The following GABRB1 variants were observed in gnomAD, a reference collection of about 807,000 sequenced individuals.
The protein encoded by GABRB1 is gamma-aminobutyric acid receptor subunit beta-1.
GABRB1 carries 17 observed loss-of-function variants against 51.6 expected under a neutral mutation model. That is an observed-to-expected ratio of 0.33 (90% confidence interval 0.23 to 0.49). The LOEUF (loss-of-function observed/expected upper bound fraction) is 0.49, where lower values mean the gene tolerates loss of function less well. Ranked by LOEUF, GABRB1 falls within the 20% of genes least tolerant of loss-of-function variation. The pLI, the probability that GABRB1 is intolerant of heterozygous loss-of-function variation, is 0.99. For synonymous variants in GABRB1, 247 were observed against 218.9 expected (o/e 1.13, Z -1.14); for missense variants, 410 against 600.6 (o/e 0.68, Z 3.32).
chr4:47,224,300 AAT>A (rs140734951), intron 4 of GABRB1, among the ~76,000 whole-genome samples: 3 of 150,190 alleles, frequency 2.0e-5, no homozygotes. Context: ...TGCTTATTAA[AAT>A]ATATATATAT....
intron 2 of GABRB1, 134 bp downstream of exon 2, chr4:47,032,139 C>CACACAA: frequency 1.5e-6 from 1 of 662,066 alleles, no homozygotes; most frequent in Non-Finnish European, 2.6e-6. Flanking sequence ...CACACACACA[C>CACACAA]ACACACACAC....
chr4:47,408,360 AG>A (rs1255747776), intron 8 of GABRB1, among the ~76,000 whole-genome samples: 2 of 152,350 alleles, frequency 1.3e-5, no homozygotes, highest in Non-Finnish European at 2.9e-5. Context: ...GGAAGAAAGC[AG>A]AGTAGTGTGA....
At chr4:47,272,064 T>C (rs933950156) in intron 4 of GABRB1, among the ~76,000 whole-genome samples, 5 of 152,186 alleles carry the variant, frequency 3.3e-5, no homozygotes, top group Admixed American at 6.6e-5. Flanking sequence ...ACACACATAA[T>C]TAACTACCCG....
At position 47,403,571 on chromosome 4, in the gene GABRB1, G is replaced by C; in HGVS notation, c.695G>C (p.Arg232Pro). The change falls in exon 7 of 9, where the codon CGA (arginine) becomes CCA (proline). Residue 232 changes from arginine to proline, a missense_variant. Physicochemically the swap from Arg to Pro is moderately radical, Grantham distance 103. Coordinates refer to ENST00000295454, the MANE Select transcript of GABRB1 (RefSeq NM_000812.4). The stretch of plus-strand genomic sequence containing the variant: ...TTTCTCAACTCAGGAGCGTATCCAC[G>C]ACTGTCACTAAGTTTTCGTCTAAAG... ...KVEFTTGAYP[R>P]LSLSFRLKRN... 6.2e-7 allele frequency: 1 copy of C among 1,613,898 alleles called. No individual in the cohort carries two copies. Among genetic ancestry groups the C allele is most frequent in the Non-Finnish European group, 8.5e-7 (1 of 1,179,894 alleles).
At chr4:47,361,938 G>C (rs944885337) in intron 5 of GABRB1, among the ~76,000 whole-genome samples, 1 of 152,096 alleles carries the variant, frequency 6.6e-6, no homozygotes, top group African/African-American at 2.4e-5. Flanking sequence ...TGTACATTTG[G>C]AAGTTATCAA....
chr4:47,062,626 A>C (rs2109530152), intron 3 of GABRB1, among the ~76,000 whole-genome samples: 1 of 152,272 alleles, frequency 6.6e-6, no homozygotes, highest in East Asian at 1.9e-4. Flanking sequence ...CAATACATTC[A>C]AAAGATTTTT....
chr4:47,194,485 GA>G lies in GABRB1; in HGVS notation c.461+33024del, dbSNP rs925735384. On this transcript the variant is annotated intron_variant, in intron 4 of 8. Transcript: ENST00000295454. ...GGTTATATTATCTTTTCTCATTCCAGAAAAAAAAGTTATTAAATTTTTAGTC... is the reference window on the plus strand; with the variant it reads ...GGTTATATTATCTTTTCTCATTCCAGAAAAAAAGTTATTAAATTTTTAGTC... Among the ~76,000 whole-genome samples, 248 of 151,810 alleles carry G rather than the reference GA, an allele frequency of 1.6e-3. 1 individual carries two copies. Among genetic ancestry groups the G allele is most frequent in the African/African-American group, 5.7e-3 (236 of 41,420 alleles).
At chr4:47,250,856 T>A (rs1055517225) in intron 4 of GABRB1, among the ~76,000 whole-genome samples, 2 of 152,206 alleles carry the variant, frequency 1.3e-5, no homozygotes, top group African/African-American at 2.4e-5. Context: ...ACTTCTTGTA[T>A]CATTTTGTGT....
intron 3 of GABRB1, among the ~76,000 whole-genome samples, chr4:47,064,041 G>T (rs1454492764): frequency 1.3e-5 from 2 of 152,072 alleles, no homozygotes; most frequent in Non-Finnish European, 1.5e-5. Flanking sequence ...ATGTATCCCA[G>T]AACTTAAAAC....
At chr4:47,023,763 A>G (rs564433158) in intron 1 of GABRB1, among the ~76,000 whole-genome samples, 35 of 152,082 alleles carry the variant, frequency 2.3e-4, no homozygotes, top group Non-Finnish European at 4.3e-4. Context: ...CATATCAAAC[A>G]TCTCATGTAC....
At chr4:47,004,293 A>C (rs376366038) in intron 1 of GABRB1, among the ~76,000 whole-genome samples, 1 of 152,092 alleles carries the variant, frequency 6.6e-6, no homozygotes, top group East Asian at 1.9e-4. Context: ...GACCTACAAT[A>C]ATATATTTAA....
At chr4:47,137,754 TTTTC>T (rs1716734622) in intron 3 of GABRB1, among the ~76,000 whole-genome samples, 1 of 152,140 alleles carries the variant, frequency 6.6e-6, no homozygotes, top group African/African-American at 2.4e-5. Flanking sequence ...ATGTGAACTA[TTTTC>T]TTGTAAATTC....
chr4:47,020,320 G>A (rs1432650612), intron 1 of GABRB1, among the ~76,000 whole-genome samples: 1 of 152,098 alleles, frequency 6.6e-6, no homozygotes, highest in East Asian at 1.9e-4. Flanking sequence ...TTCAACTTAT[G>A]AATTTGGGGG....
chr4:47,325,794 A>G (rs997878368), intron 5 of GABRB1, among the ~76,000 whole-genome samples: 26 of 152,186 alleles, frequency 1.7e-4, no homozygotes, highest in African/African-American at 6.0e-4. Flanking sequence ...GTTAGGAACC[A>G]GTAGTTATTC....
intron 8 of GABRB1, among the ~76,000 whole-genome samples, chr4:47,420,524 C>G (rs1729060083): frequency 6.6e-6 from 1 of 152,098 alleles, no homozygotes; most frequent in African/African-American, 2.4e-5. Flanking sequence ...TTCCTTCTGC[C>G]TCAAGGTTTA....
chr4:47,230,007 A>C (rs1721081385), intron 4 of GABRB1, among the ~76,000 whole-genome samples: 1 of 152,328 alleles, frequency 6.6e-6, no homozygotes, highest in Admixed American at 6.5e-5. Context: ...AAATATCTTA[A>C]TAAGGGGTAC....
At chr4:47,203,716 G>A (rs1315337848) in intron 4 of GABRB1, among the ~76,000 whole-genome samples, 4 of 151,988 alleles carry the variant, frequency 2.6e-5, no homozygotes, top group Non-Finnish European at 1.5e-5. Context: ...GGTCCCATGG[G>A]CACAACACCA....
chr4:47,023,186 T>TG (rs774709443), intron 1 of GABRB1, among the ~76,000 whole-genome samples: 2 of 151,880 alleles, frequency 1.3e-5, no homozygotes, highest in Non-Finnish European at 2.9e-5. Flanking sequence ...GGAAGAGTAG[T>TG]GGGGGGCCTG....
chr4:47,094,000 A>G (rs1714264394), intron 3 of GABRB1, among the ~76,000 whole-genome samples: 1 of 151,808 alleles, frequency 6.6e-6, no homozygotes, highest in African/African-American at 2.4e-5. Context: ...ATTAGCCCCT[A>G]GTATTCCATA....
Sources: gnomAD v4.1 joint callset for allele counts (sites outside exome capture counted in the v4.1 genomes callset) on GRCh38, gnomAD v4.1.1 for gene constraint, MANE v1.5 for transcripts, NCBI Gene and HGNC (gene_info 2026-07-23, HGNC 2026-07-21) for gene names.